Variants in SCYL2 observed in about 807,000 individuals in gnomAD.
SCYL2 encodes the protein SCY1 like pseudokinase 2, also known as SCY1-like protein 2.
Under a neutral mutation model 100.4 loss-of-function variants are expected in SCYL2, and 36 were observed. The observed-to-expected ratio is 0.36, with a 90% confidence interval of 0.27 to 0.47. SCYL2 has a LOEUF of 0.47. Ranked by LOEUF, SCYL2 falls within the 20% of genes least tolerant of loss-of-function variation. The pLI is 1.00. For synonymous variants in SCYL2, 330 were observed against 359.2 expected, an observed-to-expected ratio of 0.92 and a Z score of 0.92; for missense variants, 902 against 1,083.9, an observed-to-expected ratio of 0.83 and a Z score of 2.36.
intron 4 of SCYL2, among the ~76,000 whole-genome samples, chr12:100,307,192 C>T (rs1177079110): frequency 6.6e-6 from 1 of 152,212 alleles, no homozygotes; most frequent in East Asian, 1.9e-4. Context: ...CCAAGACAAA[C>T]CTAAGCAAAA....
chr12:100,283,211 G>T, intron 2 of SCYL2, 64 bp downstream of exon 2: 1 of 1,391,966 alleles, frequency 7.2e-7, no homozygotes, highest in African/African-American at 1.5e-5. Context: ...AAATGCATGT[G>T]TGCATTTTTA....
chr12:100,300,415 C>T (rs2096326202), intron 4 of SCYL2, among the ~76,000 whole-genome samples: 1 of 151,970 alleles, frequency 6.6e-6, no homozygotes, highest in African/African-American at 2.4e-5. Context: ...TACTTTGATA[C>T]AGGCATGCAA....
At position 100,267,618 on chromosome 12, in the gene SCYL2, C is replaced by T. The variant is rs533771581; in HGVS notation, c.-203C>T. ...AGCGGGGCTGGACGAGCAGCGAGCT[C>T]CGGGGAGCGGATCCGAGAGGGCCGA... On this transcript the variant is annotated 5_prime_UTR_variant, in exon 1 of 18. Coordinates refer to ENST00000360820, the MANE Select transcript of SCYL2 (RefSeq NM_017988.6). The T allele has an allele frequency of 4.5e-4, 69 of 152,462 alleles. No individual in the cohort carries two copies. The highest frequency in any genetic ancestry group is 1.6e-3 in the African/African-American group (66 of 41,574). The allele number at this position is 152,462 out of a possible 1,614,324, so 9.4% of individuals were successfully genotyped here. A position where few individuals can be genotyped will look rare whatever the true frequency, so the allele number is the denominator to read the frequency against.
chr12:100,341,701 T>G lies in SCYL2; in HGVS notation c.*2529T>G, dbSNP rs1952355791. On this transcript the variant is annotated 3_prime_UTR_variant, in exon 18 of 18. Transcript: ENST00000360820. Reference sequence around the variant, plus strand: ...AAGAGGAGTATGCACCAAATAAATTTTAGCTTTGATAAAACTTTCCATATT... The same window carrying G: ...AAGAGGAGTATGCACCAAATAAATTGTAGCTTTGATAAAACTTTCCATATT... 1 of 152,190 alleles carries G rather than the reference T, an allele frequency of 6.6e-6. No homozygotes were observed. Among genetic ancestry groups the G allele is most frequent in the Admixed American group, 6.5e-5 (1 of 15,284 alleles). 9.4% of individuals were successfully genotyped at this position (152,190 alleles called of 1,614,324 possible). A position where few individuals can be genotyped will look rare whatever the true frequency, so the allele number is the denominator to read the frequency against.
At chr12:100,317,731 C>A (rs1398745238) in intron 9 of SCYL2, 72 bp from the exon 10 acceptor site, 5 of 1,483,560 alleles carry the variant, frequency 3.4e-6, no homozygotes, top group Non-Finnish European at 4.5e-6. Flanking sequence ...TTTGAAGAAG[C>A]TTTACATTTG....
intron 1 of SCYL2, among the ~76,000 whole-genome samples, chr12:100,272,657 T>C (rs1157530723): frequency 6.6e-6 from 1 of 152,210 alleles, no homozygotes; most frequent in East Asian, 1.9e-4. Context: ...AACTGGCTTC[T>C]ATATGTCGTT....
At chr12:100,294,249 T>TG (rs1302725701) in intron 3 of SCYL2, among the ~76,000 whole-genome samples, 2 of 109,562 alleles carry the variant, frequency 1.8e-5, no homozygotes, top group African/African-American at 3.5e-5. Context: ...GCTGGCCAGG[T>TG]GGGGGGCTGA....
At chr12:100,309,207 A>G (rs2096338789) in intron 4 of SCYL2, among the ~76,000 whole-genome samples, 1 of 151,856 alleles carries the variant, frequency 6.6e-6, no homozygotes, top group South Asian at 2.1e-4. Flanking sequence ...GTAGGATTCT[A>G]TTTGGCCATC....
rs559269449 is a variant in SCYL2 at position 100,275,200 on chromosome 12, C to CT, written c.-29+7418dup. ...GTAGAAATACATAGAAATGCAATTT[C>CT]TTTTTTTTTTCTTTTTTTTGAGACA... On this transcript the variant is annotated intron_variant, in intron 1 of 17. Transcript: ENST00000360820. Among the ~76,000 whole-genome samples the CT allele has an allele frequency of 9.2e-4, 136 of 148,496 alleles. 2 individuals carry two copies. In the South Asian group the frequency reaches 0.015, roughly 16 times the overall value.
rs566712312 is a variant in SCYL2, at chr12:100,313,116, T to A, written c.853-306T>A. Among the ~76,000 whole-genome samples the A allele has an allele frequency of 4.6e-5, 7 of 152,200 alleles. No homozygotes were observed. The South Asian group carries it at 1.5e-3, about 32-fold the overall frequency. ...TGCATGCCAGCCTGGGGTGACAGAG[T>A]GAGACCCTGTCTCAAAAAAATATTT... On this transcript the variant is annotated intron_variant, in intron 6 of 17. Coordinates refer to ENST00000360820, the MANE Select transcript of SCYL2 (RefSeq NM_017988.6).
intron 3 of SCYL2, among the ~76,000 whole-genome samples, chr12:100,295,920 GCCATCCTGCC>G (rs1347037992): frequency 6.6e-6 from 1 of 152,182 alleles, no homozygotes; most frequent in Non-Finnish European, 1.5e-5. Flanking sequence ...CAGATGCCGG[GCCATCCTGCC>G]CTGGCTCTAA....
At position 100,315,520 on chromosome 12, in the gene SCYL2, A is replaced by G. The variant is rs748901761; in HGVS notation, c.1096-38A>G. On this transcript the variant is annotated intron_variant, in intron 8 of 17. Transcript: ENST00000360820. ...AACTAATACTAAAAACCTTTAATAA[A>G]TTTTATTTTTTTTTTAAAAAACATT... The G allele has an allele frequency of 6.5e-6, 10 of 1,536,620 alleles. No individual in the cohort carries two copies. In the South Asian group the frequency reaches 9.0e-5, roughly 14 times the overall value.
In SCYL2 at chr12:100,335,648, T is replaced by C. The variant is rs753552867; in HGVS notation, c.1886T>C (p.Met629Thr). 1.1e-5 allele frequency: 17 copies of C among 1,608,456 alleles called. No individual in the cohort carries two copies. In the Middle Eastern group the frequency reaches 5.0e-4, roughly 47 times the overall value. The change falls in exon 15 of 18, where the codon ATG (methionine) becomes ACG (threonine). Residue 629 changes from methionine (M) to threonine (T), a missense_variant. Transcript: ENST00000360820. Reference sequence around the variant, plus strand: ...AGATCTTTGGATATAGGAAATCAAATGAATGTTTCTGAGGAGATGAAAGTT... The same window carrying C: ...AGATCTTTGGATATAGGAAATCAAACGAATGTTTCTGAGGAGATGAAAGTT... ...QQKSLDIGNQMNVSEEMKVTN... is the reference protein window; with the variant it reads ...QQKSLDIGNQTNVSEEMKVTN...
intron 3 of SCYL2, among the ~76,000 whole-genome samples, chr12:100,297,373 C>T (rs1230379183): frequency 2.6e-5 from 4 of 152,180 alleles, no homozygotes; most frequent in Non-Finnish European, 4.4e-5. Flanking sequence ...AAAGCCTGAG[C>T]TCTTGATCAT....
chr12:100,269,084 G>A (rs2096284246), intron 1 of SCYL2, among the ~76,000 whole-genome samples: 1 of 152,144 alleles, frequency 6.6e-6, no homozygotes, highest in Admixed American at 6.5e-5. Flanking sequence ...TTTTCAAAAT[G>A]CAGACCTAAT....
At chr12:100,272,352 A>G (rs1298623526) in intron 1 of SCYL2, among the ~76,000 whole-genome samples, 1 of 152,184 alleles carries the variant, frequency 6.6e-6, no homozygotes, top group African/African-American at 2.4e-5. Context: ...TTATATGTCA[A>G]ATGGCTATGC....
intron 1 of SCYL2, among the ~76,000 whole-genome samples, chr12:100,273,827 T>A (rs781169387): frequency 6.6e-6 from 1 of 152,236 alleles, no homozygotes; most frequent in Non-Finnish European, 1.5e-5. Flanking sequence ...TTTGGAGGAC[T>A]GAGTCTGCTA....
Position 100,314,167 on chromosome 12 carries a change from C to T in SCYL2, c.970-322C>T, listed in dbSNP as rs568222950. 2.0e-5 allele frequency among the ~76,000 whole-genome samples: 3 copies of T among 152,264 alleles called. No individual in the cohort carries two copies. The East Asian group carries it at 5.8e-4, about 29-fold the overall frequency. ...TGTTGGGATTATAGGCATGAGCCAC[C>T]GTGCCCGGGCCAACCATGGATTTTA... On this transcript the variant is annotated intron_variant, in intron 7 of 17. Transcript: ENST00000360820.
Position 100,334,176 on chromosome 12 carries a change from T to C in SCYL2, c.1772T>C (p.Phe591Ser), listed in dbSNP as rs1373112054. 1.1e-5 allele frequency: 17 copies of C among 1,589,314 alleles called. No individual in the cohort carries two copies. The highest frequency in any genetic ancestry group is 1.5e-5 in the Non-Finnish European group (17 of 1,161,308). ...NNLNLNQFNSFISVIKEMLNR... is the reference protein window; with the variant it reads ...NNLNLNQFNSSISVIKEMLNR... ...TTCTCATTATACCAGTTCAATTCTT[T>C]CATTTCCGTCATAAAAGAAATGCTT... Residue 591 changes from phenylalanine (F) to serine (S), a missense_variant, in exon 14 of 18, where the codon TTC becomes TCC. Physicochemically the swap from Phe to Ser is radical, Grantham distance 155 (BLOSUM62 -2). Coordinates refer to ENST00000360820, the MANE Select transcript of SCYL2 (RefSeq NM_017988.6).
Sources: gnomAD v4.1 joint callset for allele counts (sites outside exome capture counted in the v4.1 genomes callset) on GRCh38, gnomAD v4.1.1 for gene constraint, MANE v1.5 for transcripts, NCBI Gene and HGNC (gene_info 2026-07-23, HGNC 2026-07-21) for gene names.